Variants in TSTD2 observed in about 807,000 individuals in gnomAD.
TSTD2 encodes thiosulfate sulfurtransferase like domain containing 2.
A neutral mutation model predicts 47.9 loss-of-function variants in TSTD2; 37 were observed. The ratio of observed to expected loss-of-function variants is 0.77; its 90% confidence interval spans 0.59 to 1.02. The LOEUF is 1.02. Ranked by LOEUF, TSTD2 falls within the 50% of genes least tolerant of loss-of-function variation. TSTD2 has a pLI of 0.00. For synonymous variants in TSTD2, 201 were observed against 215.9 expected (o/e 0.93, Z 0.61); for missense variants, 586 against 616.0 (o/e 0.95, Z 0.52).
Position 97,600,991 on chromosome 9 carries a change from A to C in TSTD2, c.*1478T>G. ...GATAAAGGACAAGGTCAAGAACTCC[A>C]GAGCACTGAGCAGAGAGGCTGGTGA... On this transcript the variant is annotated 3_prime_UTR_variant, in exon 10 of 10. Transcript: ENST00000341170. The C allele has an allele frequency of 8.0e-7, 1 of 1,252,338 alleles. No homozygotes were observed. The highest frequency in any genetic ancestry group is 1.3e-5 in the South Asian group (1 of 74,504). 77.6% of individuals were successfully genotyped at this position (1,252,338 alleles called of 1,614,324 possible).
intron 1 of TSTD2, among the ~76,000 whole-genome samples, chr9:97,631,278 A>C (rs1022835372): frequency 4.6e-5 from 7 of 151,020 alleles, no homozygotes; most frequent in African/African-American, 1.5e-4. Flanking sequence ...CACCACACGC[A>C]GCTAATTTTT....
Position 97,602,493 on chromosome 9 carries a change from A to T in TSTD2, c.1527T>A (p.Asp509Glu). 1 of 1,612,452 alleles carries T rather than the reference A, an allele frequency of 6.2e-7. No homozygotes were observed. The highest frequency in any genetic ancestry group is 8.5e-7 in the Non-Finnish European group (1 of 1,179,066). ...PVSPEPGPDA[D>E]EDGPVLM ...CTCACATAAGCACTGGCCCATCCTC[A>T]TCAGCATCAGGCCCTGGCTCTGGGC... Residue 509 changes from aspartate (D) to glutamate (E), a missense_variant, in exon 10 of 10, where the codon GAT becomes GAA. By Grantham distance (45) the Asp-to-Glu change is conservative. Transcript: ENST00000341170.
chr9:97,630,379 G>A (rs560153173), intron 1 of TSTD2, among the ~76,000 whole-genome samples: 14 of 152,102 alleles, frequency 9.2e-5, no homozygotes, highest in South Asian at 2.1e-4. Flanking sequence ...GCTATGTGCC[G>A]GGCCCATGGA....
chr9:97,627,496 G>A lies in TSTD2; in HGVS notation c.67C>T (p.Leu23=), dbSNP rs1392586342. ...LENCILRFSD[L]DLKDMSLINP... is the part of the protein sequence containing the mutation. ...ATAAGACTCATATCTTTTAAATCCA[G>A]GTCAGAAAATCTTAAAATGCAGTTC... The change falls in exon 2 of 10, where the codon CTG becomes TTG. Residue 23 remains leucine, a synonymous_variant. Transcript: ENST00000341170. 1.2e-6 allele frequency: 2 copies of A among 1,613,454 alleles called. No homozygotes were observed. The highest frequency in any genetic ancestry group is 2.2e-5 in the East Asian group (1 of 44,878).
chr9:97,614,804 A>G (rs1280348712), intron 4 of TSTD2, among the ~76,000 whole-genome samples: 1 of 152,212 alleles, frequency 6.6e-6, no homozygotes, highest in Non-Finnish European at 1.5e-5. Flanking sequence ...GTTCCATGAC[A>G]AAGATTCCGG....
chr9:97,610,227 C>T, intron 6 of TSTD2, 119 bp downstream of exon 6: 1 of 798,176 alleles, frequency 1.3e-6, no homozygotes, highest in South Asian at 2.0e-5. Context: ...TGTTAGCCAC[C>T]CCACAGCTGC....
At chr9:97,603,610 A>G (rs1374976709) in intron 9 of TSTD2, among the ~76,000 whole-genome samples, 3 of 152,250 alleles carry the variant, frequency 2.0e-5, no homozygotes, top group Admixed American at 6.5e-5. Flanking sequence ...TCAAATGTGC[A>G]TGCCACCTGG....
intron 4 of TSTD2, among the ~76,000 whole-genome samples, chr9:97,616,592 C>T (rs1405627301): frequency 6.6e-6 from 1 of 152,034 alleles, no homozygotes; most frequent in African/African-American, 2.4e-5. Flanking sequence ...AATGGCAGGC[C>T]TTGGTGATGA....
intron 1 of TSTD2, among the ~76,000 whole-genome samples, chr9:97,628,274 C>CGTTG (rs1826755011): frequency 6.6e-6 from 1 of 152,158 alleles, no homozygotes; most frequent in Non-Finnish European, 1.5e-5. Context: ...CACACTACAA[C>CGTTG]CATCATACCA....
In TSTD2 at chr9:97,602,208, C is replaced by A; in HGVS notation, c.*261G>T. 2.2e-6 allele frequency: 1 copy of A among 463,788 alleles called. No individual in the cohort carries two copies. The highest frequency in any genetic ancestry group is 2.0e-5 in the African/African-American group (1 of 50,856). 28.7% of individuals were successfully genotyped at this position (463,788 alleles called of 1,614,324 possible). On this transcript the variant is annotated 3_prime_UTR_variant, in exon 10 of 10. Coordinates refer to ENST00000341170, the MANE Select transcript of TSTD2 (RefSeq NM_139246.5). ...ATGCTGTGGCCACCAGGCTCAGGCTCTATCCCTCAGCAGCTTTGGGATCCC... is the reference window on the plus strand; with the variant it reads ...ATGCTGTGGCCACCAGGCTCAGGCTATATCCCTCAGCAGCTTTGGGATCCC...
chr9:97,607,572 T>C (rs1195812673), intron 6 of TSTD2, among the ~76,000 whole-genome samples: 1 of 152,138 alleles, frequency 6.6e-6, no homozygotes, highest in African/African-American at 2.4e-5. Flanking sequence ...CACAATTACA[T>C]GGATACAAAA....
At chr9:97,618,089 A>C (rs1428404821) in intron 3 of TSTD2, among the ~76,000 whole-genome samples, 1 of 152,246 alleles carries the variant, frequency 6.6e-6, no homozygotes, top group Non-Finnish European at 1.5e-5. Flanking sequence ...AACTTACTTT[A>C]CAAAAAGTGA....
At chr9:97,618,162 A>G (rs1269198452) in intron 3 of TSTD2, among the ~76,000 whole-genome samples, 1 of 152,254 alleles carries the variant, frequency 6.6e-6, no homozygotes, top group Non-Finnish European at 1.5e-5. Context: ...ACTCCAATTC[A>G]TAGAAAAGTT....
chr9:97,625,323 CTGT>C (rs1826701547), intron 3 of TSTD2, among the ~76,000 whole-genome samples: 1 of 152,160 alleles, frequency 6.6e-6, no homozygotes, highest in Non-Finnish European at 1.5e-5. Context: ...ATTCATTCTC[CTGT>C]TGATGGATAT....
chr9:97,603,740 C>T (rs900486156), intron 9 of TSTD2, among the ~76,000 whole-genome samples: 2 of 152,154 alleles, frequency 1.3e-5, no homozygotes, highest in African/African-American at 4.8e-5. Context: ...TGCTGTGTCA[C>T]CCAGGCTGGA....
In TSTD2 at chr9:97,601,008, G is replaced by A; in HGVS notation, c.*1461C>T. On this transcript the variant is annotated 3_prime_UTR_variant, in exon 10 of 10. Transcript: ENST00000341170. ...AGAACTCCAGAGCACTGAGCAGAGA[G>A]GCTGGTGATGAAAAGGTGAAGGCCT... 1 of 1,289,064 alleles carries A rather than the reference G, an allele frequency of 7.8e-7. No homozygotes were observed. Among genetic ancestry groups the A allele is most frequent in the Non-Finnish European group, 1.0e-6 (1 of 980,162 alleles). The allele number at this position is 1,289,064 out of a possible 1,614,324, so 79.9% of individuals were successfully genotyped here.
rs1229883475 is a variant in TSTD2, at chr9:97,602,645, A to G, written c.1375T>C (p.Cys459Arg). 2.5e-6 allele frequency: 4 copies of G among 1,614,100 alleles called. No individual in the cohort carries two copies. Among genetic ancestry groups the G allele is most frequent in the Non-Finnish European group, 2.5e-6 (3 of 1,180,038 alleles). The change falls in exon 10 of 10, where the codon TGT (cysteine) becomes CGT (arginine). Residue 459 changes from cysteine (C) to arginine (R), a missense_variant. Physicochemically the swap from Cys to Arg is radical, Grantham distance 180 (BLOSUM62 -3). Transcript: ENST00000341170. ...ACTTTCCTGCTCCCCTTGTCTTGAC[A>G]TGTGACACAACAGGCTGTGAATCCT... ...GQGFTACCVT[C>R]QDKGSRKVSG...
intron 6 of TSTD2, among the ~76,000 whole-genome samples, chr9:97,609,146 A>G (rs973211542): frequency 3.3e-5 from 5 of 152,018 alleles, no homozygotes; most frequent in Non-Finnish European, 1.5e-5. Flanking sequence ...TAAACTAATA[A>G]TTTTTTATAT....
intron 3 of TSTD2, among the ~76,000 whole-genome samples, chr9:97,621,479 CAG>C (rs1174525662): frequency 6.6e-6 from 1 of 152,186 alleles, no homozygotes; most frequent in Non-Finnish European, 1.5e-5. Context: ...CCGGGCAGAA[CAG>C]AGTCATATTT....
Sources: gnomAD v4.1 joint callset for allele counts (sites outside exome capture counted in the v4.1 genomes callset) on GRCh38, gnomAD v4.1.1 for gene constraint, MANE v1.5 for transcripts, NCBI Gene and HGNC (gene_info 2026-07-23, HGNC 2026-07-21) for gene names.